The following NCOR2 variants were observed in gnomAD, a reference collection of about 807,000 sequenced individuals.
The protein encoded by NCOR2 is CTG repeat protein 26.
Under a neutral mutation model 262.9 loss-of-function variants are expected in NCOR2, and 81 were observed. The observed-to-expected ratio is 0.31, with a 90% CI of 0.26 to 0.37. NCOR2 has a LOEUF of 0.37. NCOR2 is among the 10% of genes least tolerant of loss of function. NCOR2 has a pLI of 1.00. For synonymous variants in NCOR2, 1,659 were observed against 1,559.3 expected (o/e 1.06, Z -1.51); for missense variants, 3,385 against 3,621.4 (o/e 0.93, Z 1.68).
intron 1 of NCOR2, among the ~76,000 whole-genome samples, chr12:124,489,149 C>G (rs932486269): frequency 5.3e-5 from 8 of 152,048 alleles, no homozygotes; most frequent in African/African-American, 1.9e-4. Context: ...AGAAACTGAC[C>G]TGAGGTGGAG....
intron 1 of NCOR2, among the ~76,000 whole-genome samples, chr12:124,486,780 C>T (rs141426555): frequency 7.2e-5 from 11 of 152,308 alleles, no homozygotes; most frequent in East Asian, 3.9e-4. Context: ...CACAGCTGAA[C>T]GGCCCTGGGC....
intron 34 of NCOR2, among the ~76,000 whole-genome samples, chr12:124,341,226 C>CA (rs2036427326): frequency 6.6e-6 from 1 of 152,064 alleles, no homozygotes; most frequent in Non-Finnish European, 1.5e-5. Context: ...AAACTCCAAA[C>CA]AGCCTCACAT....
intron 20 of NCOR2, among the ~76,000 whole-genome samples, chr12:124,368,238 C>T (rs1335781075): frequency 6.6e-6 from 1 of 152,204 alleles, no homozygotes; most frequent in Non-Finnish European, 1.5e-5. Context: ...CTTCTCCTCA[C>T]TGTCATTTTC....
chr12:124,406,247 AG>A (rs2042268131), intron 13 of NCOR2, among the ~76,000 whole-genome samples: 1 of 152,240 alleles, frequency 6.6e-6, no homozygotes, highest in South Asian at 2.1e-4. Flanking sequence ...TATTTACAAA[AG>A]CAGGTGGTGG....
rs367675663 is a variant in NCOR2 at position 124,495,162 on chromosome 12, G to A, written c.90C>T (p.Ile30=). Residue 30 remains isoleucine, a synonymous_variant, in exon 1 of 47, where the codon ATC becomes ATT. Coordinates refer to ENST00000405201, the Ensembl canonical transcript of NCOR2. This position sits in a 1 kb window ranked among gnomAD's most constrained non-coding sequence, Gnocchi z 4.4. ...ACCCCCTTACCGTGTGCGTCCGGGCGATCTGCACTGGGTAGGAAAGGCTGT... is the reference window on the plus strand; with the variant it reads ...ACCCCCTTACCGTGTGCGTCCGGGCAATCTGCACTGGGTAGGAAAGGCTGT... 241 of 1,613,854 alleles carry A rather than the reference G, an allele frequency of 1.5e-4. No homozygotes were observed. Among genetic ancestry groups the A allele is most frequent in the Non-Finnish European group, 1.8e-4 (216 of 1,179,948 alleles).
intron 20 of NCOR2, 114 bp from the exon 23 acceptor site, chr12:124,363,913 G>A (rs1300879987): frequency 3.3e-6 from 3 of 918,288 alleles, no homozygotes; most frequent in Non-Finnish European, 4.4e-6. Flanking sequence ...ACGAGGCTAA[G>A]GCCCTGAGAC....
chr12:124,377,957 G>C (rs1484647229), intron 18 of NCOR2, among the ~76,000 whole-genome samples: 1 of 152,104 alleles, frequency 6.6e-6, no homozygotes, highest in East Asian at 1.9e-4. Context: ...GGTCACCCAA[G>C]CATAAGACTG....
At chr12:124,430,471 G>T in intron 9 of NCOR2, 144 bp downstream of exon 11, 1 of 952,320 alleles carries the variant, frequency 1.1e-6, no homozygotes, top group Non-Finnish European at 1.5e-6. Context: ...CGTGACACAG[G>T]CCAGGGTCTG....
In NCOR2 at chr12:124,483,821, A is replaced by T. The variant is rs369523317; in HGVS notation, c.234-48T>A. The T allele has an allele frequency of 1.0e-3, 1,567 of 1,498,056 alleles. No homozygotes were observed. The highest frequency in any genetic ancestry group is 1.2e-3 in the Non-Finnish European group (1,391 of 1,121,910). The allele number at this position is 1,498,056 out of a possible 1,614,324, so 92.8% of individuals were successfully genotyped here. ...CGTCACATAGGAGATTGCGGCTCTG[A>T]GAACTCCCGAGGCCCCGACCACCCT... is the stretch of plus-strand genomic sequence containing the variant. On this transcript the variant is annotated intron_variant, in intron 2 of 46. Coordinates refer to ENST00000405201, the Ensembl canonical transcript of NCOR2. This position sits in a 1 kb window ranked among gnomAD's most constrained non-coding sequence, Gnocchi z 6.3.
chr12:124,390,579 C>T (rs560676673), intron 16 of NCOR2, among the ~76,000 whole-genome samples: 20 of 152,100 alleles, frequency 1.3e-4, no homozygotes, highest in South Asian at 8.3e-4. Context: ...GGCAGGTGTC[C>T]GGGGCCTGCT....
chr12:124,367,722 T>A (rs2039151472), intron 20 of NCOR2, among the ~76,000 whole-genome samples: 1 of 152,220 alleles, frequency 6.6e-6, no homozygotes, highest in Non-Finnish European at 1.5e-5. Flanking sequence ...AAGCTCTGCT[T>A]CCTGGGCTCA....
intron 13 of NCOR2, among the ~76,000 whole-genome samples, chr12:124,418,283 C>T (rs551299082): frequency 5.3e-5 from 8 of 152,296 alleles, no homozygotes; most frequent in South Asian, 2.1e-4. Flanking sequence ...CCCCAGGCAT[C>T]GTGGCTGGAT....
chr12:124,380,300 C>T (rs1419379022), intron 17 of NCOR2, among the ~76,000 whole-genome samples: 1 of 152,212 alleles, frequency 6.6e-6, no homozygotes, highest in Non-Finnish European at 1.5e-5. Context: ...TCCTGTCCTG[C>T]CTTCTTCCTG....
At chr12:124,472,931 C>T (rs375712979) in intron 4 of NCOR2, 21 bp downstream of exon 6, 58 of 1,612,870 alleles carry the variant, frequency 3.6e-5, no homozygotes, top group Non-Finnish European at 4.8e-5. Flanking sequence ...AAACACTCCC[C>T]CTCCCCCTGC....
At chr12:124,500,745 C>G (rs1191680811) in intron 1 of NCOR2, among the ~76,000 whole-genome samples, 1 of 152,098 alleles carries the variant, frequency 6.6e-6, no homozygotes, top group Non-Finnish European at 1.5e-5. Context: ...GAGGCCACAC[C>G]GAGACACATT....
At chr12:124,479,389 G>A (rs768833660) in intron 3 of NCOR2, among the ~76,000 whole-genome samples, 6 of 151,340 alleles carry the variant, frequency 4.0e-5, no homozygotes, top group East Asian at 3.9e-4. Context: ...ACACAAACAC[G>A]CATGGACACA....
exon 33 of NCOR2, chr12:124,343,007 G>T (rs771980299): frequency 1.9e-6 from 3 of 1,610,550 alleles, no homozygotes; most frequent in Non-Finnish European, 2.5e-6. Flanking sequence ...GCAATCACCT[G>T]CGTCCAGAGG....
chr12:124,426,520 C>G lies in NCOR2; in HGVS notation c.1328+102G>C, dbSNP rs1303445137. 6 of 1,193,244 alleles carry G rather than the reference C, an allele frequency of 5.0e-6. No homozygotes were observed. In the East Asian group the frequency reaches 1.3e-4, roughly 27 times the overall value. 73.9% of individuals were successfully genotyped at this position (1,193,244 alleles called of 1,614,324 possible). On this transcript the variant is annotated intron_variant, in intron 11 of 46. Transcript: ENST00000405201. Reference sequence around the variant, plus strand: ...AGTAAATCCCTGCGGTTTTAAGCACCCCCCGGCATGCTCATTTGTGGTGGC... The same window carrying G: ...AGTAAATCCCTGCGGTTTTAAGCACGCCCCGGCATGCTCATTTGTGGTGGC...
rs2036363688 is a variant in NCOR2 at position 124,340,453 on chromosome 12, C to T, written c.5339-10G>A. On this transcript the variant is annotated splice_polypyrimidine_tract_variant and intron_variant, in intron 35 of 46. Transcript: ENST00000405201. ...AAGTGTGTTGGACCTCCTAGGAAAC[C>T]CAAAGGCCAGAGACTCAGCCCCAGG... 8 of 1,610,898 alleles carry T rather than the reference C, an allele frequency of 5.0e-6. No individual in the cohort carries two copies. Among genetic ancestry groups the T allele is most frequent in the Non-Finnish European group, 5.9e-6 (7 of 1,179,288 alleles).
Sources: allele counts gnomAD v4.1 joint callset (sites outside exome capture counted in the v4.1 genomes callset), GRCh38; gene constraint gnomAD v4.1.1; non-coding constraint Gnocchi (gnomAD v3.1); transcripts MANE v1.5; gene names NCBI Gene and HGNC (gene_info 2026-07-23, HGNC 2026-07-21).